BMPR1B: variants seen among roughly 807,000 people sequenced by gnomAD.
BMPR1B encodes bone morphogenetic protein receptor type 1B, also known as bone morphogenetic protein receptor type-1B.
Under a neutral mutation model 59.1 loss-of-function variants are expected in BMPR1B, and 12 were observed. The ratio of observed to expected loss-of-function variants is 0.20; its 90% confidence interval spans 0.13 to 0.33. The LOEUF (loss-of-function observed/expected upper bound fraction) is 0.33, where lower values mean the gene tolerates loss of function less well. BMPR1B is among the 10% of genes least tolerant of loss of function. The pLI is 1.00. For missense variants in BMPR1B, 550 were observed against 610.9 expected (o/e 0.90, Z 1.05); for synonymous variants, 237 against 207.3 (o/e 1.14, Z -1.23).
At chr4:95,065,584 ATC>A (rs1727737950) in intron 3 of BMPR1B, among the ~76,000 whole-genome samples, 1 of 152,196 alleles carries the variant, frequency 6.6e-6, no homozygotes, top group African/African-American at 2.4e-5. Context: ...GAAGTAAAAT[ATC>A]TGTTAAGATT....
intron 2 of BMPR1B, among the ~76,000 whole-genome samples, chr4:94,879,086 G>T (rs1163521155): frequency 6.6e-6 from 1 of 151,932 alleles, no homozygotes; most frequent in African/African-American, 2.4e-5. Flanking sequence ...GTGCCATGTT[G>T]GTGTGCTGCA....
chr4:95,002,128 A>G (rs6816059), intron 3 of BMPR1B, among the ~76,000 whole-genome samples: 145,545 of 152,236 alleles, frequency 0.96, 69,604 homozygotes, highest in Middle Eastern at 0.99. Flanking sequence ...CTCTCTTCCT[A>G]CCTTCCCTCC....
chr4:94,816,460 G>A (rs1175115123), intron 1 of BMPR1B, among the ~76,000 whole-genome samples: 3 of 152,032 alleles, frequency 2.0e-5, no homozygotes, highest in Non-Finnish European at 2.9e-5. Flanking sequence ...CACTGCACCC[G>A]GCCTTATGCT....
intron 1 of BMPR1B, among the ~76,000 whole-genome samples, chr4:94,783,094 C>T (rs371483413): frequency 5.9e-5 from 9 of 152,116 alleles, no homozygotes; most frequent in East Asian, 5.8e-4. Flanking sequence ...CTGTCTCTGA[C>T]GGTCTCTTTC....
chr4:94,794,311 C>T (rs1301243847), intron 1 of BMPR1B, among the ~76,000 whole-genome samples: 2 of 151,386 alleles, frequency 1.3e-5, no homozygotes, highest in Non-Finnish European at 2.9e-5. Flanking sequence ...TCAGGTTTGT[C>T]AAAGATCAGA....
At chr4:94,937,696 G>A (rs1042866149) in intron 2 of BMPR1B, among the ~76,000 whole-genome samples, 2 of 127,320 alleles carry the variant, frequency 1.6e-5, no homozygotes, top group African/African-American at 3.4e-5. Flanking sequence ...TAAATTTTAT[G>A]TATATGTATA....
rs149454975 is a variant in BMPR1B at position 94,858,759 on chromosome 4, G to A, written c.-182-17072G>A. Among the ~76,000 whole-genome samples, 451 of 152,210 alleles carry A rather than the reference G, an allele frequency of 3.0e-3. 3 individuals carry two copies. The highest frequency in any genetic ancestry group is 6.8e-3 in the Middle Eastern group (2 of 294). On this transcript the variant is annotated intron_variant, in intron 1 of 12. Transcript: ENST00000515059. ...GTTGCTGTTGATGGTTGAAGGGTAT[G>A]GGTGTGTGCATGTGTATGTGTGTTT...
At chr4:94,868,676 C>G (rs545760989) in intron 1 of BMPR1B, among the ~76,000 whole-genome samples, 163 of 152,236 alleles carry the variant, frequency 1.1e-3, no homozygotes, top group African/African-American at 3.5e-3. Context: ...AAGGCAAATG[C>G]CAGTGCTTGA....
chr4:95,088,201 C>T (rs1384529185), intron 3 of BMPR1B, among the ~76,000 whole-genome samples: 1 of 152,094 alleles, frequency 6.6e-6, no homozygotes, highest in Non-Finnish European at 1.5e-5. Context: ...AGATAAATGG[C>T]TTTCAGCACA....
At chr4:94,931,542 G>T (rs1226665607) in intron 2 of BMPR1B, among the ~76,000 whole-genome samples, 3 of 152,070 alleles carry the variant, frequency 2.0e-5, no homozygotes, top group Non-Finnish European at 4.4e-5. Context: ...TGCAGCCTCT[G>T]CCTGCAGCTT....
intron 1 of BMPR1B, among the ~76,000 whole-genome samples, chr4:94,806,080 A>T (rs1723594591): frequency 1.3e-5 from 2 of 152,176 alleles, no homozygotes; most frequent in South Asian, 4.1e-4. Context: ...TTTCCAAGTT[A>T]AGACATTTTG....
intron 1 of BMPR1B, among the ~76,000 whole-genome samples, chr4:94,816,797 T>A (rs1724026088): frequency 6.6e-6 from 1 of 152,196 alleles, no homozygotes; most frequent in African/African-American, 2.4e-5. Flanking sequence ...CTCATCCAGT[T>A]CTTATTCTTA....
At chr4:94,864,795 TC>T (rs1377923140) in intron 1 of BMPR1B, among the ~76,000 whole-genome samples, 1 of 152,206 alleles carries the variant, frequency 6.6e-6, no homozygotes, top group Non-Finnish European at 1.5e-5. Context: ...CTGTACATGT[TC>T]AGCGCAGACA....
At chr4:94,885,921 T>A (rs916860385) in intron 2 of BMPR1B, among the ~76,000 whole-genome samples, 1 of 152,094 alleles carries the variant, frequency 6.6e-6, no homozygotes, top group African/African-American at 2.4e-5. Context: ...AAACTTTCCC[T>A]TCAGAAGGAA....
chr4:94,942,616 T>C (rs144266002), intron 2 of BMPR1B, among the ~76,000 whole-genome samples: 30 of 152,368 alleles, frequency 2.0e-4, no homozygotes, highest in African/African-American at 7.0e-4. Context: ...ATATATCATT[T>C]TCAAATTGTA....
intron 10 of BMPR1B, among the ~76,000 whole-genome samples, chr4:95,134,163 G>T (rs1251855683): frequency 6.6e-6 from 1 of 152,078 alleles, no homozygotes; most frequent in South Asian, 2.1e-4. Context: ...CAGAATGATG[G>T]TTTCCAGTTT....
At chr4:95,143,458 T>C (rs1734401517) in intron 10 of BMPR1B, among the ~76,000 whole-genome samples, 1 of 152,058 alleles carries the variant, frequency 6.6e-6, no homozygotes, top group African/African-American at 2.4e-5. Flanking sequence ...TCTCTCTCTC[T>C]CTCAAAGTCT....
intron 2 of BMPR1B, among the ~76,000 whole-genome samples, chr4:94,966,913 C>T (rs1438492509): frequency 6.6e-6 from 1 of 152,052 alleles, no homozygotes; most frequent in Non-Finnish European, 1.5e-5. Flanking sequence ...TGGTATGGAG[C>T]AGTTAGGGAA....
chr4:95,064,210 A>G (rs1727629931), intron 3 of BMPR1B, among the ~76,000 whole-genome samples: 1 of 152,192 alleles, frequency 6.6e-6, no homozygotes, highest in African/African-American at 2.4e-5. Context: ...TAAAAAAATT[A>G]TGTGCTTTAG....
Sources: gnomAD v4.1 joint callset for allele counts (sites outside exome capture counted in the v4.1 genomes callset) on GRCh38, gnomAD v4.1.1 for gene constraint, MANE v1.5 for transcripts, NCBI Gene and HGNC (gene_info 2026-07-23, HGNC 2026-07-21) for gene names.